Variants in NAALADL2 observed in about 807,000 individuals in gnomAD.
NAALADL2 encodes N-acetylated alpha-linked acidic dipeptidase like 2.
A neutral mutation model predicts 87.2 loss-of-function variants in NAALADL2; 76 were observed. The observed-to-expected ratio is 0.87, with a 90% CI of 0.72 to 1.05. The LOEUF (loss-of-function observed/expected upper bound fraction) is 1.05. Among genes scored for constraint, NAALADL2 ranks in the 50% least tolerant of loss-of-function variants. The pLI is 0.00. For missense variants in NAALADL2, 1,089 were observed against 945.8 expected, an observed-to-expected ratio of 1.15 and a Z score of -1.99; for synonymous variants, 354 against 331.0, an observed-to-expected ratio of 1.07 and a Z score of -0.75.
At chr3:174,582,631 G>T (rs1716296209) in intron 2 of NAALADL2, among the ~76,000 whole-genome samples, 1 of 152,068 alleles carries the variant, frequency 6.6e-6, no homozygotes, top group Non-Finnish European at 1.5e-5. Context: ...GCCCAGGCTG[G>T]AATGCAGTGG....
intron 11 of NAALADL2, among the ~76,000 whole-genome samples, chr3:175,639,113 C>T (rs1406684470): frequency 6.6e-6 from 1 of 152,002 alleles, no homozygotes; most frequent in Non-Finnish European, 1.5e-5. Context: ...GGTGCTTTGT[C>T]CCCTTTTCAG....
Position 175,712,038 on chromosome 3 carries a change from A to G in NAALADL2, c.1897-25268A>G, listed in dbSNP as rs868232626. Among the ~76,000 whole-genome samples the G allele has an allele frequency of 6.6e-5, 10 of 152,068 alleles. No homozygotes were observed. The Middle Eastern group carries it at 0.01, about 155-fold the overall frequency. On this transcript the variant is annotated intron_variant, in intron 11 of 13. Coordinates refer to ENST00000454872, the MANE Select transcript of NAALADL2 (RefSeq NM_207015.3). ...TAAGGAGAAGCATATGATATGATCTATTTGTCATAATGATAAGTTATATAA... is the reference window on the plus strand; with the variant it reads ...TAAGGAGAAGCATATGATATGATCTGTTTGTCATAATGATAAGTTATATAA...
chr3:175,548,612 A>C (rs1713801692), intron 9 of NAALADL2, among the ~76,000 whole-genome samples: 1 of 152,044 alleles, frequency 6.6e-6, no homozygotes, highest in Non-Finnish European at 1.5e-5. Flanking sequence ...TGACATGGTA[A>C]ATTGTTGTTT....
At chr3:175,683,119 T>C (rs1735813335) in intron 11 of NAALADL2, among the ~76,000 whole-genome samples, 1 of 152,012 alleles carries the variant, frequency 6.6e-6, no homozygotes, top group East Asian at 1.9e-4. Flanking sequence ...ATGGAAAGCC[T>C]GAAGTATAAC....
At chr3:175,657,208 T>C (rs1731591233) in intron 11 of NAALADL2, among the ~76,000 whole-genome samples, 1 of 152,176 alleles carries the variant, frequency 6.6e-6, no homozygotes, top group Non-Finnish European at 1.5e-5. Context: ...GGATTCTAAG[T>C]ACTTGTTAAG....
At chr3:174,660,611 T>C (rs1384836627) in intron 2 of NAALADL2, among the ~76,000 whole-genome samples, 1 of 152,188 alleles carries the variant, frequency 6.6e-6, no homozygotes, top group African/African-American at 2.4e-5. Flanking sequence ...AAAAATGTTG[T>C]GTACAATTTT....
chr3:174,696,351 A>C (rs900334335), intron 2 of NAALADL2, among the ~76,000 whole-genome samples: 1 of 152,018 alleles, frequency 6.6e-6, no homozygotes, highest in Admixed American at 6.6e-5. Context: ...GAGTAGACAT[A>C]TGATAGCATC....
At chr3:174,764,133 A>G (rs1011182265) in intron 3 of NAALADL2, among the ~76,000 whole-genome samples, 2 of 151,700 alleles carry the variant, frequency 1.3e-5, no homozygotes, top group East Asian at 3.9e-4. Context: ...TTCTGCTATC[A>G]ACTATTTTTT....
chr3:175,148,841 G>A (rs1276199777), intron 2 of NAALADL2, among the ~76,000 whole-genome samples: 2 of 152,070 alleles, frequency 1.3e-5, no homozygotes, highest in Non-Finnish European at 2.9e-5. Context: ...TTTGTTTGCT[G>A]TAACCTTAGA....
chr3:174,940,856 A>G (rs1192554389), intron 1 of NAALADL2, among the ~76,000 whole-genome samples: 1 of 150,848 alleles, frequency 6.6e-6, no homozygotes, highest in African/African-American at 2.4e-5. Context: ...CACTGGTAGC[A>G]TTCCTTTTCT....
chr3:175,562,813 A>C (rs895402410), intron 9 of NAALADL2, among the ~76,000 whole-genome samples: 1 of 151,954 alleles, frequency 6.6e-6, no homozygotes, highest in Admixed American at 6.6e-5. Context: ...CTCTATTCTT[A>C]TATTGTGTAA....
At chr3:175,076,250 G>A (rs1716569673) in intron 1 of NAALADL2, among the ~76,000 whole-genome samples, 1 of 151,122 alleles carries the variant, frequency 6.6e-6, no homozygotes, top group African/African-American at 2.4e-5. Context: ...AATGAAAAAT[G>A]TCATAAGAAA....
chr3:174,897,696 A>G (rs547788233), intron 1 of NAALADL2, among the ~76,000 whole-genome samples: 1 of 152,316 alleles, frequency 6.6e-6, no homozygotes, highest in East Asian at 1.9e-4. Flanking sequence ...AAATCAGTGT[A>G]TGAAAGATAT....
Position 175,616,842 on chromosome 3 carries a change from C to T in NAALADL2, c.1801-10449C>T, listed in dbSNP as rs116710320. Among the ~76,000 whole-genome samples the T allele has an allele frequency of 4.3e-3, 662 of 152,240 alleles. 4 individuals are homozygous for T. Among genetic ancestry groups the T allele is most frequent in the African/African-American group, 0.01 (432 of 41,560 alleles). On this transcript the variant is annotated intron_variant, in intron 10 of 13. Transcript: ENST00000454872. ...TATTGCCCATGGCTTCTAGCCCTTT[C>T]GTAGCTTCTGCTTTTAAGGGATATT...
intron 1 of NAALADL2, among the ~76,000 whole-genome samples, chr3:174,462,173 T>A (rs1716258168): frequency 6.6e-6 from 1 of 152,056 alleles, no homozygotes; most frequent in African/African-American, 2.4e-5. Context: ...TTTTTGTTTT[T>A]AAATATTTTT....
intron 11 of NAALADL2, among the ~76,000 whole-genome samples, chr3:175,690,181 C>T (rs1173566762): frequency 1.3e-5 from 2 of 151,472 alleles, no homozygotes; most frequent in African/African-American, 2.4e-5. Flanking sequence ...ACTTGTGGGC[C>T]GTTCATATTG....
chr3:174,707,497 C>T (rs188647361), intron 2 of NAALADL2, among the ~76,000 whole-genome samples: 115 of 151,988 alleles, frequency 7.6e-4, no homozygotes, highest in Middle Eastern at 3.4e-3. Flanking sequence ...TCCTTTGTAG[C>T]GACATGGATG....
chr3:175,741,974 G>A (rs576901422), intron 12 of NAALADL2, among the ~76,000 whole-genome samples: 61 of 152,330 alleles, frequency 4.0e-4, no homozygotes, highest in African/African-American at 1.3e-3. Context: ...AAAGGAGGGA[G>A]GGGACTTCCA....
chr3:175,672,040 A>G (rs944952157), intron 11 of NAALADL2, among the ~76,000 whole-genome samples: 2 of 152,136 alleles, frequency 1.3e-5, no homozygotes, highest in South Asian at 2.1e-4. Flanking sequence ...TTACCAAAAA[A>G]GATCATTTTT....
Sources: allele counts gnomAD v4.1 joint callset (sites outside exome capture counted in the v4.1 genomes callset), GRCh38; gene constraint gnomAD v4.1.1; transcripts MANE v1.5; gene names NCBI Gene and HGNC (gene_info 2026-07-23, HGNC 2026-07-21).